Variants in RTN4RL1 observed in about 807,000 individuals in gnomAD.
RTN4RL1 encodes the protein reticulon 4 receptor like 1, also known as reticulon-4 receptor-like 1.
Under a neutral mutation model 25.6 loss-of-function variants are expected in RTN4RL1, and 7 were observed. The ratio of observed to expected loss-of-function variants is 0.27; its 90% CI spans 0.16 to 0.51. RTN4RL1 has a LOEUF of 0.51. RTN4RL1 is among the 20% of genes least tolerant of loss of function. The pLI is 0.97. For synonymous variants in RTN4RL1, 297 were observed against 288.2 expected (o/e 1.03, Z -0.31); for missense variants, 500 against 615.6 (o/e 0.81, Z 1.99).
In RTN4RL1 at chr17:1,983,824, G is replaced by A. The variant is rs183680145; in HGVS notation, c.13+41029C>T. Among the ~76,000 whole-genome samples, 4 of 152,252 alleles carry A rather than the reference G, an allele frequency of 2.6e-5. No homozygotes were observed. The East Asian group carries it at 7.7e-4, about 29-fold the overall frequency. ...CCCAAAGTGCTGGGATTACAGGTGT[G>A]AGCCACGGCGCCGGGTCCTGAACCT... On this transcript the variant is annotated intron_variant, in intron 1 of 1. Transcript: ENST00000331238.
chr17:1,936,892 C>T lies in RTN4RL1; in HGVS notation c.930G>A (p.Pro310=), dbSNP rs558209043. The T allele has an allele frequency of 2.4e-5, 38 of 1,605,770 alleles. No individual in the cohort carries two copies. Among genetic ancestry groups the T allele is most frequent in the Middle Eastern group, 1.7e-4 (1 of 6,006 alleles). ...TGAGCGTGTGTGACTTGATCTGGTG[C>T]GGGGACGCTGGTCCCGTGCAGTTCC... ...DFRNCTGPAS[P]HQIKSHTLTT... is the part of the protein sequence containing the mutation. Residue 310 remains proline, a synonymous_variant, in exon 2 of 2, where the codon CCG becomes CCA. Transcript: ENST00000331238.
intron 1 of RTN4RL1, among the ~76,000 whole-genome samples, chr17:1,951,082 G>A (rs995273868): frequency 1.3e-4 from 19 of 151,578 alleles, no homozygotes; most frequent in Non-Finnish European, 2.2e-4. Flanking sequence ...TGGCTAACAC[G>A]GTGAAACCCC....
intron 1 of RTN4RL1, among the ~76,000 whole-genome samples, chr17:1,971,637 C>T (rs561754949): frequency 3.3e-5 from 5 of 149,814 alleles, no homozygotes; most frequent in African/African-American, 1.2e-4. Flanking sequence ...GGAGACCAGC[C>T]TGGACAACAG....
chr17:2,018,694 G>A (rs531880726), intron 1 of RTN4RL1, among the ~76,000 whole-genome samples: 1 of 152,266 alleles, frequency 6.6e-6, no homozygotes, highest in African/African-American at 2.4e-5. Flanking sequence ...TGCGCCGGCT[G>A]GGTGGCCCAG....
At chr17:2,005,882 C>T (rs1567523408) in intron 1 of RTN4RL1, among the ~76,000 whole-genome samples, 3 of 150,842 alleles carry the variant, frequency 2.0e-5, no homozygotes, top group African/African-American at 4.9e-5. Context: ...CTGCAACCTC[C>T]GCCACCCGGG....
rs994786553 is a variant in RTN4RL1, at chr17:2,010,096, C to T, written c.13+14757G>A. ...TTCTCTGCCAATCTCCTAAAATAAC[C>T]GCTCTCTGGTCACCCTCTGTTCTTC... On this transcript the variant is annotated intron_variant, in intron 1 of 1. Transcript: ENST00000331238. 6.3e-5 allele frequency among the ~76,000 whole-genome samples: 8 copies of T among 127,868 alleles called. 2 individuals carry two copies. Among genetic ancestry groups the T allele is most frequent in the Admixed American group, 2.5e-4 (3 of 12,138 alleles). The allele number at this position is 127,868 out of a possible 152,430, so 83.9% of individuals were successfully genotyped here.
chr17:1,982,645 AAAG>A (rs945725971), intron 1 of RTN4RL1, among the ~76,000 whole-genome samples: 1 of 151,656 alleles, frequency 6.6e-6, no homozygotes, highest in South Asian at 2.1e-4. Flanking sequence ...AAAGAAAAGA[AAAG>A]AAACTCTGGG....
At chr17:1,989,038 G>A (rs552581198) in intron 1 of RTN4RL1, among the ~76,000 whole-genome samples, 5 of 152,270 alleles carry the variant, frequency 3.3e-5, no homozygotes, top group Middle Eastern at 3.4e-3. Flanking sequence ...TGATCACATC[G>A]TGTTCCCTAA....
At chr17:1,977,510 G>A (rs1597505529) in intron 1 of RTN4RL1, among the ~76,000 whole-genome samples, 1 of 152,104 alleles carries the variant, frequency 6.6e-6, no homozygotes, top group Admixed American at 6.5e-5. Flanking sequence ...GTCGAGAGCC[G>A]CCCAGTGCCG....
chr17:1,936,848 G>A lies in RTN4RL1; in HGVS notation c.974C>T (p.Ala325Val), dbSNP rs1245771951. The change falls in exon 2 of 2, where the codon GCC (alanine) becomes GTC (valine). Residue 325 changes from alanine to valine, a missense_variant. Physicochemically the swap from Ala to Val is moderately conservative, Grantham distance 64. Coordinates refer to ENST00000331238, the MANE Select transcript of RTN4RL1 (RefSeq NM_178568.4). ...GTGGGGTGAGTGGTGTTCCTTGCGG[G>A]CGGCCCTGTCGGTGGTGGTGAGCGT... ...SHTLTTTDRA[A>V]RKEHHSPHGP... 6.3e-7 allele frequency: 1 copy of A among 1,587,458 alleles called. No homozygotes were observed. Among genetic ancestry groups the A allele is most frequent in the Admixed American group, 1.8e-5 (1 of 56,114 alleles).
chr17:1,948,920 G>A (rs113370215), intron 1 of RTN4RL1, among the ~76,000 whole-genome samples: 4,132 of 151,982 alleles, frequency 0.027, 179 homozygotes, highest in African/African-American at 0.093. Flanking sequence ...AGCCTCCTGA[G>A]TAGCTGGGAT....
At chr17:2,009,370 A>G (rs7502555) in intron 1 of RTN4RL1, among the ~76,000 whole-genome samples, 51,795 of 150,060 alleles carry the variant, frequency 0.35, 9,330 homozygotes, top group East Asian at 0.54. Context: ...TGAGGTGGGC[A>G]GATCATGAGG....
At chr17:1,995,262 C>T (rs557678014) in intron 1 of RTN4RL1, among the ~76,000 whole-genome samples, 223 of 152,186 alleles carry the variant, frequency 1.5e-3, no homozygotes, top group African/African-American at 5.3e-3. Flanking sequence ...ACCGTCTCTA[C>T]TAAAAATACA....
intron 1 of RTN4RL1, among the ~76,000 whole-genome samples, chr17:1,967,152 C>G (rs1054470498): frequency 3.4e-5 from 5 of 149,150 alleles, no homozygotes; most frequent in African/African-American, 1.3e-4. Context: ...CCGCTCCTCC[C>G]CAGAAGGAAG....
chr17:1,936,794 T>G lies in RTN4RL1; in HGVS notation c.1028A>C (p.His343Pro). 6.3e-7 allele frequency: 1 copy of G among 1,586,622 alleles called. No individual in the cohort carries two copies. Among genetic ancestry groups the G allele is most frequent in the Non-Finnish European group, 8.6e-7 (1 of 1,168,320 alleles). Residue 343 changes from histidine to proline, a missense_variant, in exon 2 of 2, where the codon CAC (histidine) becomes CCC (proline). His to Pro is a moderately conservative substitution (Grantham distance 77). This residue lies in a region of RTN4RL1 where 268 missense variants were observed against 274.5 expected (regional missense o/e 0.98). Coordinates refer to ENST00000331238, the MANE Select transcript of RTN4RL1 (RefSeq NM_178568.4). ...HGPTRSKGHP[H>P]GPRPGHRKPG... is the part of the protein sequence containing the mutation. ...CTTCCTGTGGCCGGGCCGGGGGCCG[T>G]GCGGGTGGCCCTTGCTCCTGGTGGG...
chr17:1,965,894 C>A (rs1331515450), intron 1 of RTN4RL1, among the ~76,000 whole-genome samples: 2 of 152,186 alleles, frequency 1.3e-5, no homozygotes, highest in African/African-American at 4.8e-5. Context: ...CTTCCCCCCA[C>A]CCCTGAGAGG....
chr17:1,968,028 G>A (rs1173651686), intron 1 of RTN4RL1, among the ~76,000 whole-genome samples: 4 of 152,028 alleles, frequency 2.6e-5, no homozygotes, highest in Admixed American at 6.6e-5. Flanking sequence ...ACGCCCACCC[G>A]GGACCACTCC....
At chr17:2,008,070 C>A (rs1011817520) in intron 1 of RTN4RL1, among the ~76,000 whole-genome samples, 2 of 151,942 alleles carry the variant, frequency 1.3e-5, no homozygotes, top group South Asian at 4.2e-4. Flanking sequence ...GTCAGGAGTT[C>A]GCGACCAGCC....
intron 1 of RTN4RL1, among the ~76,000 whole-genome samples, chr17:1,985,707 G>A (rs532707142): frequency 2.6e-5 from 4 of 152,274 alleles, no homozygotes; most frequent in African/African-American, 9.6e-5. Context: ...ACAGATGTAG[G>A]AAGCCAGCCG....
Sources: gnomAD v4.1 joint callset for allele counts (sites outside exome capture counted in the v4.1 genomes callset) on GRCh38, gnomAD v4.1.1 for gene constraint, gnomAD v4.1.1 regional missense constraint, MANE v1.5 for transcripts, NCBI Gene and HGNC (gene_info 2026-07-23, HGNC 2026-07-21) for gene names.